Variants in LIN28B observed in about 807,000 individuals in gnomAD.
LIN28B encodes lin-28 RNA binding posttranscriptional regulator B.
Under a neutral mutation model 21.9 loss-of-function variants are expected in LIN28B, and 5 were observed. That is an observed-to-expected ratio of 0.23 (90% CI 0.12 to 0.48). The LOEUF is 0.48. Ranked by LOEUF, LIN28B falls within the 20% of genes least tolerant of loss-of-function variation. The probability of loss-of-function intolerance (pLI) is 0.98; values close to 1 mark genes in which losing one functional copy is unlikely to be tolerated. For missense variants in LIN28B, 245 were observed against 310.5 expected (o/e 0.79, Z 1.58); for synonymous variants, 109 against 111.3 (o/e 0.98, Z 0.13).
intron 3 of LIN28B, among the ~76,000 whole-genome samples, chr6:105,074,374 A>G (rs1404915749): frequency 1.3e-5 from 2 of 151,738 alleles, no homozygotes; most frequent in Admixed American, 6.6e-5. Context: ...ATTTTTTGTT[A>G]TTTTTAGCAG....
At position 104,958,147 on chromosome 6, in the gene LIN28B, C is replaced by A; in HGVS notation, c.59C>A (p.Pro20Gln). The A allele has an allele frequency of 6.2e-7, 1 of 1,606,024 alleles. No homozygotes were observed. Among genetic ancestry groups the A allele is most frequent in the East Asian group, 2.2e-5 (1 of 44,658 alleles). The change falls in exon 2 of 4, where the codon CCG becomes CAG. Residue 20 changes from proline to glutamine, a missense_variant. By Grantham distance (76) the Pro-to-Gln change is moderately conservative. Transcript: ENST00000345080. Reference sequence around the variant, plus strand: ...GAAGAGCCCGGGAAGCTGCCGGAGCCGGCAGAGGAGGAATCCCAGGTTTTG... The same window carrying A: ...GAAGAGCCCGGGAAGCTGCCGGAGCAGGCAGAGGAGGAATCCCAGGTTTTG... ...GGEEPGKLPE[P>Q]AEEESQVLRG... is the part of the protein sequence containing the mutation.
chr6:104,997,545 C>A (rs538109868), intron 2 of LIN28B, among the ~76,000 whole-genome samples: 5 of 150,276 alleles, frequency 3.3e-5, no homozygotes, highest in African/African-American at 1.2e-4. Flanking sequence ...TAACACCCGC[C>A]CCCCCCCGCC....
chr6:105,005,632 A>T (rs933764740), intron 2 of LIN28B, among the ~76,000 whole-genome samples: 2 of 152,040 alleles, frequency 1.3e-5, no homozygotes, highest in Non-Finnish European at 2.9e-5. Flanking sequence ...TGCTGCTGCC[A>T]TGTGAAGAAA....
intron 2 of LIN28B, among the ~76,000 whole-genome samples, chr6:104,985,657 ATAT>A (rs1770323719): frequency 6.6e-6 from 1 of 152,104 alleles, no homozygotes; most frequent in East Asian, 1.9e-4. Context: ...ATTATATGTC[ATAT>A]TATATATTTT....
chr6:105,059,842 C>T (rs1277721929), intron 3 of LIN28B, among the ~76,000 whole-genome samples: 1 of 151,874 alleles, frequency 6.6e-6, no homozygotes, highest in East Asian at 1.9e-4. Context: ...ATTCTTTTTT[C>T]ATCCTTACAT....
At chr6:104,946,983 T>C (rs1778163659) in intron 2 of LIN28B, among the ~76,000 whole-genome samples, 1 of 152,226 alleles carries the variant, frequency 6.6e-6, no homozygotes, top group Admixed American at 6.5e-5. Flanking sequence ...TTTTTGCAAC[T>C]TAAAGTAAAT....
chr6:104,996,541 G>T (rs964378611), intron 2 of LIN28B, among the ~76,000 whole-genome samples: 1 of 152,192 alleles, frequency 6.6e-6, no homozygotes, highest in African/African-American at 2.4e-5. Flanking sequence ...AGGCTTAGAG[G>T]CAGAGACAAA....
chr6:104,940,706 G>GC (rs962509317), intron 2 of LIN28B, among the ~76,000 whole-genome samples: 1 of 150,436 alleles, frequency 6.6e-6, no homozygotes, highest in Non-Finnish European at 1.5e-5. Flanking sequence ...ACCCGGCTCA[G>GC]CCCCCTCCTC....
chr6:104,987,276 T>G (rs1277322025), intron 2 of LIN28B, among the ~76,000 whole-genome samples: 1 of 152,204 alleles, frequency 6.6e-6, no homozygotes, highest in Admixed American at 6.5e-5. Flanking sequence ...TTACTCTACA[T>G]AAGAATAATT....
intron 2 of LIN28B, among the ~76,000 whole-genome samples, chr6:104,986,450 A>C (rs1770345481): frequency 6.6e-6 from 1 of 151,674 alleles, no homozygotes; most frequent in African/African-American, 2.4e-5. Context: ...TAAGTTCTCC[A>C]ATCTCATTTT....
chr6:104,943,588 T>G (rs958226564), intron 2 of LIN28B, among the ~76,000 whole-genome samples: 2 of 152,170 alleles, frequency 1.3e-5, no homozygotes, highest in African/African-American at 4.8e-5. Flanking sequence ...AATTAAATTA[T>G]TGATTATGAA....
Position 105,078,498 on chromosome 6 carries a change from C to G in LIN28B, c.468C>G (p.Ser156Arg). Residue 156 changes from serine (S) to arginine (R), a missense_variant, in exon 4 of 4, where the codon AGC becomes AGG. By Grantham distance (110) the Ser-to-Arg change is moderately radical. Transcript: ENST00000345080. ...CAAAGAAGTGCCATTACTGTCAGAG[C>G]ATCATGCACATGGTGGCAAACTGCC... is the stretch of plus-strand genomic sequence containing the variant. ...PQPKKCHYCQ[S>R]IMHMVANCPH... The G allele has an allele frequency of 6.2e-7, 1 of 1,614,094 alleles. No homozygotes were observed. Among genetic ancestry groups the G allele is most frequent in the Non-Finnish European group, 8.5e-7 (1 of 1,179,966 alleles).
chr6:104,979,591 TA>T (rs879363021), intron 2 of LIN28B, among the ~76,000 whole-genome samples: 241 of 144,724 alleles, frequency 1.7e-3, no homozygotes, highest in African/African-American at 3.0e-3. Flanking sequence ...TTTTTCTTGT[TA>T]AAAAAAAAAA....
At chr6:105,049,947 T>C (rs1026313987) in intron 3 of LIN28B, among the ~76,000 whole-genome samples, 53 of 151,976 alleles carry the variant, frequency 3.5e-4, no homozygotes, top group Non-Finnish European at 7.4e-4. Flanking sequence ...GGTCTTGACT[T>C]TTTATCCAAT....
chr6:105,057,875 A>C (rs575617161), intron 3 of LIN28B, among the ~76,000 whole-genome samples: 21 of 152,312 alleles, frequency 1.4e-4, no homozygotes, highest in African/African-American at 5.1e-4. Context: ...TTGACCTAGT[A>C]GTGTTAAGAA....
chr6:105,073,177 T>G (rs1364205585), intron 3 of LIN28B, among the ~76,000 whole-genome samples: 2 of 152,124 alleles, frequency 1.3e-5, no homozygotes, highest in Non-Finnish European at 2.9e-5. Flanking sequence ...TGGCACACAA[T>G]TTTAATTAAA....
At chr6:105,039,151 G>C (rs1771581776) in intron 3 of LIN28B, among the ~76,000 whole-genome samples, 1 of 152,168 alleles carries the variant, frequency 6.6e-6, no homozygotes, top group African/African-American at 2.4e-5. Context: ...AAAATCATCA[G>C]AGCACTTTGC....
At chr6:105,016,912 A>C (rs1330081497) in intron 2 of LIN28B, among the ~76,000 whole-genome samples, 1 of 151,372 alleles carries the variant, frequency 6.6e-6, no homozygotes, top group Non-Finnish European at 1.5e-5. Context: ...AAAACAAAAA[A>C]ACAAAAAAAA....
intron 2 of LIN28B, among the ~76,000 whole-genome samples, chr6:104,946,145 A>G (rs1474649489): frequency 6.6e-6 from 1 of 152,010 alleles, no homozygotes; most frequent in Non-Finnish European, 1.5e-5. Context: ...CCTAATATAA[A>G]ATTTTCTGTT....
Sources: gnomAD v4.1 joint callset for allele counts (sites outside exome capture counted in the v4.1 genomes callset) on GRCh38, gnomAD v4.1.1 for gene constraint, MANE v1.5 for transcripts, NCBI Gene and HGNC (gene_info 2026-07-23, HGNC 2026-07-21) for gene names.